The following CHRNB3 variants were observed in gnomAD, a reference collection of about 807,000 sequenced individuals.
CHRNB3 encodes neuronal acetylcholine receptor subunit beta-3.
Under a neutral mutation model 40.6 loss-of-function variants are expected in CHRNB3, and 37 were observed. That is an observed-to-expected ratio of 0.91 (90% CI 0.70 to 1.20). The LOEUF is 1.20. CHRNB3 is among the 50% of genes most tolerant of loss of function. The pLI, the probability that CHRNB3 is intolerant of heterozygous loss-of-function variation, is 0.00. For missense variants in CHRNB3, 505 were observed against 551.2 expected, an observed-to-expected ratio of 0.92 and a Z score of 0.84; for synonymous variants, 207 against 207.1, an observed-to-expected ratio of 1.00 and a Z score of 0.00.
chr8:42,715,301 CAG>C (rs1816080588), intron 3 of CHRNB3, among the ~76,000 whole-genome samples: 3 of 152,092 alleles, frequency 2.0e-5, no homozygotes, highest in African/African-American at 7.3e-5. Context: ...ACAGGACTAA[CAG>C]AAGTTCTACA....
intron 1 of CHRNB3, among the ~76,000 whole-genome samples, chr8:42,697,858 G>A (rs1157859798): frequency 2.6e-5 from 4 of 151,816 alleles, no homozygotes; most frequent in South Asian, 2.1e-4. Flanking sequence ...CTATGAGCTT[G>A]GTAAGAAAAT....
chr8:42,713,126 C>T (rs887293115), intron 3 of CHRNB3, among the ~76,000 whole-genome samples: 1 of 152,012 alleles, frequency 6.6e-6, no homozygotes, highest in African/African-American at 2.4e-5. Context: ...CAGGCATGAG[C>T]CACTTTGCCT....
At chr8:42,717,095 C>T (rs983010060) in intron 3 of CHRNB3, among the ~76,000 whole-genome samples, 2 of 135,086 alleles carry the variant, frequency 1.5e-5, no homozygotes, top group African/African-American at 3.0e-5. Flanking sequence ...GCAGACTGGC[C>T]GGGCGCGGTG....
At chr8:42,715,605 G>GT (rs1334739776) in intron 3 of CHRNB3, among the ~76,000 whole-genome samples, 1 of 151,986 alleles carries the variant, frequency 6.6e-6, no homozygotes, top group East Asian at 1.9e-4. Context: ...TACTTGTGGG[G>GT]TTTTTTAAGT....
chr8:42,708,347 T>G (rs1815953023), intron 1 of CHRNB3, among the ~76,000 whole-genome samples: 1 of 151,958 alleles, frequency 6.6e-6, no homozygotes, highest in Non-Finnish European at 1.5e-5. Flanking sequence ...GCACCTGTAG[T>G]CCCAGGTACT....
chr8:42,724,117 C>T (rs979256767), intron 3 of CHRNB3, among the ~76,000 whole-genome samples: 1 of 152,032 alleles, frequency 6.6e-6, no homozygotes, highest in Non-Finnish European at 1.5e-5. Context: ...GAAACCTAGG[C>T]TGGGCGCAGT....
chr8:42,733,197 G>A (rs1773194263), intron 5 of CHRNB3, among the ~76,000 whole-genome samples: 1 of 151,896 alleles, frequency 6.6e-6, no homozygotes, highest in Admixed American at 6.6e-5. Flanking sequence ...GGGTGTGGGT[G>A]GGCGTGCTTG....
rs781526206 is a variant in CHRNB3 at position 42,732,162 on chromosome 8, C to T, written c.855C>T (p.Ile285=). The change falls in exon 5 of 6, where the codon ATC becomes ATT. Residue 285 remains isoleucine (I), a synonymous_variant. Coordinates refer to ENST00000289957, the MANE Select transcript of CHRNB3 (RefSeq NM_000749.5). ...TTTTCCTTTTAGTGATTGAAGAAAT[C>T]ATCCCATCGTCTTCCAAAGTCATTC... The part of the protein sequence containing the change: ...LTVFLLVIEE[I]IPSSSKVIPL... 3 of 1,610,564 alleles carry T rather than the reference C, an allele frequency of 1.9e-6. No homozygotes were observed. In the Admixed American group the frequency reaches 5.1e-5, roughly 27 times the overall value.
At chr8:42,705,893 T>C (rs1815913007) in intron 1 of CHRNB3, 2 of 152,168 alleles carry the variant, frequency 1.3e-5, no homozygotes, top group Non-Finnish European at 1.5e-5. Context: ...GTCCACTCAA[T>C]AGCCATTAGC....
At chr8:42,718,021 C>CAG (rs369085612) in intron 3 of CHRNB3, among the ~76,000 whole-genome samples, 8,638 of 151,600 alleles carry the variant, frequency 0.057, 324 homozygotes, top group Middle Eastern at 0.11. Flanking sequence ...TTAGTAAAGA[C>CAG]AGTTTCGCCA....
chr8:42,705,660 AT>A (rs1400770000), intron 1 of CHRNB3: 1 of 152,282 alleles, frequency 6.6e-6, no homozygotes, highest in Non-Finnish European at 1.5e-5. Context: ...AGGTTGTGGT[AT>A]CCTGTTGTAG....
At chr8:42,730,144 G>A (rs951445035) in intron 3 of CHRNB3, among the ~76,000 whole-genome samples, 8 of 152,128 alleles carry the variant, frequency 5.3e-5, no homozygotes, top group Non-Finnish European at 8.8e-5. Flanking sequence ...AACATAGCAG[G>A]TGGATGTTCA....
intron 4 of CHRNB3, among the ~76,000 whole-genome samples, chr8:42,731,412 G>A (rs1347336499): frequency 1.3e-5 from 2 of 152,016 alleles, no homozygotes; most frequent in Admixed American, 1.3e-4. Flanking sequence ...AAACTTAGCT[G>A]CGCATGGTGG....
intron 3 of CHRNB3, chr8:42,725,723 T>C: frequency 5.4e-6 from 5 of 925,168 alleles, no homozygotes; most frequent in Non-Finnish European, 7.0e-6. Context: ...ATCACTGTGT[T>C]GTCTGTCAGA....
At position 42,731,991 on chromosome 8, in the gene CHRNB3, C is replaced by T. The variant is rs1816433571; in HGVS notation, c.684C>T (p.Val228=). 1 of 1,614,044 alleles carries T rather than the reference C, an allele frequency of 6.2e-7. No homozygotes were observed. The highest frequency in any genetic ancestry group is 1.3e-5 in the African/African-American group (1 of 75,006). Residue 228 remains valine, a synonymous_variant, in exon 5 of 6, where the codon GTC becomes GTT. Coordinates refer to ENST00000289957, the MANE Select transcript of CHRNB3 (RefSeq NM_000749.5). ...ATCCCTTTATCACGTATTCCTTCGT[C>T]CTGAGACGCCTGCCTTTATTCTATA... The part of the protein sequence containing the change: ...YSYPFITYSF[V]LRRLPLFYTL...
chr8:42,732,170 C>T lies in CHRNB3; in HGVS notation c.863C>T (p.Ser288Leu), dbSNP rs769737518. ...FLLVIEEIIP[S>L]SSKVIPLIGE... ...TTAGTGATTGAAGAAATCATCCCAT[C>T]GTCTTCCAAAGTCATTCCTCTCATT... Residue 288 changes from serine (S) to leucine (L), a missense_variant, in exon 5 of 6, where the codon TCG becomes TTG. By Grantham distance (145) the Ser-to-Leu change is moderately radical. Coordinates refer to ENST00000289957, the MANE Select transcript of CHRNB3 (RefSeq NM_000749.5). The T allele has an allele frequency of 5.6e-6, 9 of 1,610,018 alleles. No individual in the cohort carries two copies. The highest frequency in any genetic ancestry group is 7.6e-6 in the Non-Finnish European group (9 of 1,178,640).
intron 5 of CHRNB3, among the ~76,000 whole-genome samples, chr8:42,734,577 G>A (rs1376259436): frequency 1.3e-5 from 2 of 151,384 alleles, no homozygotes; most frequent in Admixed American, 1.3e-4. Context: ...CCGCCACCAC[G>A]CCTGGCCAAT....
At chr8:42,703,397 C>T (rs114478976) in intron 1 of CHRNB3, among the ~76,000 whole-genome samples, 1,615 of 105,652 alleles carry the variant, frequency 0.015, 29 homozygotes, top group African/African-American at 0.043. Context: ...GCCCTTCAGC[C>T]GGGGTGACAG....
chr8:42,723,385 T>A (rs575445059), intron 3 of CHRNB3, among the ~76,000 whole-genome samples: 46 of 152,292 alleles, frequency 3.0e-4, no homozygotes, highest in Middle Eastern at 3.4e-3. Flanking sequence ...AGCTGCTGTT[T>A]AGCCTGAGTA....
Sources: gnomAD v4.1 joint callset for allele counts (sites outside exome capture counted in the v4.1 genomes callset) on GRCh38, gnomAD v4.1.1 for gene constraint, MANE v1.5 for transcripts, NCBI Gene and HGNC (gene_info 2026-07-23, HGNC 2026-07-21) for gene names.